Variants in PLEKHA5 observed in about 807,000 individuals in gnomAD.
The protein encoded by PLEKHA5 is pleckstrin homology domain containing A5, also known as pleckstrin homology domain-containing family A member 5.
A neutral mutation model predicts 181.9 loss-of-function variants in PLEKHA5; 55 were observed. The observed-to-expected ratio is 0.30, with a 90% CI of 0.24 to 0.38. The LOEUF is 0.38. PLEKHA5 is among the 10% of genes least tolerant of loss of function. The pLI is 1.00. For missense variants in PLEKHA5, 1,432 were observed against 1,549.5 expected, an observed-to-expected ratio of 0.92 and a Z score of 1.27; for synonymous variants, 535 against 529.4, an observed-to-expected ratio of 1.01 and a Z score of -0.15.
intron 30 of PLEKHA5, among the ~76,000 whole-genome samples, chr12:19,367,414 C>T (rs564811908): frequency 1.3e-5 from 2 of 151,136 alleles, no homozygotes; most frequent in African/African-American, 4.9e-5. Context: ...CACCACCACG[C>T]CCAGCTAATT....
chr12:19,293,208 G>A (rs2078913272), intron 15 of PLEKHA5, among the ~76,000 whole-genome samples: 1 of 152,104 alleles, frequency 6.6e-6, no homozygotes, highest in Admixed American at 6.5e-5. Context: ...AAACAGTAAT[G>A]TGCTACTTTA....
intron 15 of PLEKHA5, among the ~76,000 whole-genome samples, chr12:19,310,548 T>A (rs972056274): frequency 2.1e-5 from 3 of 142,726 alleles, no homozygotes; most frequent in Non-Finnish European, 3.0e-5. Flanking sequence ...AGGCAGAGGT[T>A]GAAGTGAGCC....
rs150962631 is a variant in PLEKHA5 at position 19,198,586 on chromosome 12, C to T, written c.228-55354C>T. 1.7e-3 allele frequency among the ~76,000 whole-genome samples: 260 copies of T among 152,272 alleles called. 3 individuals are homozygous for T. The East Asian group carries it at 0.026, about 15-fold the overall frequency. ...CATGAGAGCATAGACCTTTTTACTGCTGTTATGTGTAATACATAGAACAGT... is the reference window on the plus strand; with the variant it reads ...CATGAGAGCATAGACCTTTTTACTGTTGTTATGTGTAATACATAGAACAGT... On this transcript the variant is annotated intron_variant, in intron 3 of 31. Transcript: ENST00000429027.
chr12:19,218,903 ATTATTT>A (rs1187224862), intron 3 of PLEKHA5, among the ~76,000 whole-genome samples: 1 of 49,028 alleles, frequency 2.0e-5, no homozygotes, highest in African/African-American at 4.0e-5. Flanking sequence ...AATTATTATT[ATTATTT>A]TTTTTTTTAC....
intron 11 of PLEKHA5, among the ~76,000 whole-genome samples, chr12:19,278,292 G>A (rs969002366): frequency 2.6e-5 from 4 of 152,000 alleles, no homozygotes; most frequent in Non-Finnish European, 4.4e-5. Flanking sequence ...TTCAATATAC[G>A]TCTCTACAAC....
At chr12:19,342,776 CAAAA>C (rs879778280) in intron 21 of PLEKHA5, among the ~76,000 whole-genome samples, 1 of 148,512 alleles carries the variant, frequency 6.7e-6, no homozygotes, top group East Asian at 1.9e-4. Context: ...GACTCTGTCT[CAAAA>C]AAAAATAAAA....
intron 3 of PLEKHA5, among the ~76,000 whole-genome samples, chr12:19,252,899 A>G (rs1490912959): frequency 1.3e-5 from 2 of 151,778 alleles, no homozygotes; most frequent in Non-Finnish European, 2.9e-5. Context: ...TCCATTTATG[A>G]ATTTGGCATT....
intron 20 of PLEKHA5, among the ~76,000 whole-genome samples, chr12:19,333,320 G>A (rs899627722): frequency 1.3e-5 from 2 of 151,652 alleles, no homozygotes; most frequent in African/African-American, 2.4e-5. Flanking sequence ...TGGCTCATGG[G>A]TGTAATCCCA....
At chr12:19,213,991 CAG>C (rs1197677280) in intron 3 of PLEKHA5, among the ~76,000 whole-genome samples, 1 of 152,024 alleles carries the variant, frequency 6.6e-6, no homozygotes, top group Non-Finnish European at 1.5e-5. Context: ...CTAATATTAT[CAG>C]AGCAATAGAT....
chr12:19,352,512 G>A (rs2094652994), intron 25 of PLEKHA5, among the ~76,000 whole-genome samples: 2 of 148,892 alleles, frequency 1.3e-5, no homozygotes, highest in South Asian at 4.3e-4. Context: ...CAGAAATTAA[G>A]AACATTTAGG....
At chr12:19,156,318 T>C (rs565433337) in intron 3 of PLEKHA5, among the ~76,000 whole-genome samples, 88 of 152,252 alleles carry the variant, frequency 5.8e-4, no homozygotes, top group African/African-American at 2.1e-3. Flanking sequence ...TGTGAAAATT[T>C]GGTTTTTTAC....
At chr12:19,306,822 A>G (rs3748273) in intron 15 of PLEKHA5, 39,967 of 811,484 alleles carry the variant, frequency 0.049, 2,153 homozygotes, top group East Asian at 0.2. Flanking sequence ...TCTGACAAAC[A>G]CTGTATTCCT....
At chr12:19,302,897 C>G (rs1354475059) in intron 15 of PLEKHA5, among the ~76,000 whole-genome samples, 1 of 99,022 alleles carries the variant, frequency 1.0e-5, no homozygotes, top group Non-Finnish European at 1.9e-5. Flanking sequence ...CAGCACTGTT[C>G]TGTATGAAAT....
chr12:19,314,216 T>C (rs2152999582), intron 15 of PLEKHA5, among the ~76,000 whole-genome samples: 1 of 152,298 alleles, frequency 6.6e-6, no homozygotes, highest in South Asian at 2.1e-4. Flanking sequence ...ACCAAGTCTT[T>C]GCTGAATAAG....
At chr12:19,188,587 C>A (rs1380166740) in intron 3 of PLEKHA5, among the ~76,000 whole-genome samples, 2 of 152,076 alleles carry the variant, frequency 1.3e-5, no homozygotes, top group African/African-American at 4.8e-5. Context: ...TGGCAATGGC[C>A]AACTTAGAGT....
At position 19,294,540 on chromosome 12, in the gene PLEKHA5, C is replaced by T. The variant is rs963252353; in HGVS notation, c.2037+2843C>T. 3.9e-5 allele frequency among the ~76,000 whole-genome samples: 6 copies of T among 152,142 alleles called. No individual in the cohort carries two copies. In the East Asian group the frequency reaches 1.2e-3, roughly 29 times the overall value. ...ATCTATTCTCACTCTAACACTTACT[C>T]TGCCTCCCCTAATAAATCATCAGAA... On this transcript the variant is annotated intron_variant, in intron 15 of 31. Transcript: ENST00000429027.
At chr12:19,366,383 C>T (rs541316660) in intron 30 of PLEKHA5, among the ~76,000 whole-genome samples, 4 of 152,140 alleles carry the variant, frequency 2.6e-5, no homozygotes, top group South Asian at 4.2e-4. Context: ...TGGCCGGGTG[C>T]GGTGGCTCAC....
Position 19,252,282 on chromosome 12 carries a change from T to C in PLEKHA5, c.228-1658T>C, listed in dbSNP as rs141667854. 5.9e-5 allele frequency among the ~76,000 whole-genome samples: 9 copies of C among 152,242 alleles called. No homozygotes were observed. In the East Asian group the frequency reaches 1.7e-3, roughly 29 times the overall value. On this transcript the variant is annotated intron_variant, in intron 3 of 31. Transcript: ENST00000429027. ...GGTTGTGGTTATAGACTTCTCACCATACACAGCACATGTACTAATATTTTA... is the reference window on the plus strand; with the variant it reads ...GGTTGTGGTTATAGACTTCTCACCACACACAGCACATGTACTAATATTTTA...
chr12:19,348,632 T>C (rs143553050), intron 25 of PLEKHA5, 113 bp downstream of exon 25: 26 of 682,272 alleles, frequency 3.8e-5, no homozygotes, highest in Non-Finnish European at 5.3e-5. Context: ...TCCAACCCTT[T>C]ATCTGAAACC....
Sources: gnomAD v4.1 joint callset for allele counts (sites outside exome capture counted in the v4.1 genomes callset) on GRCh38, gnomAD v4.1.1 for gene constraint, MANE v1.5 for transcripts, NCBI Gene and HGNC (gene_info 2026-07-23, HGNC 2026-07-21) for gene names.